Variants in GBP5 observed in about 807,000 individuals in gnomAD.
The protein encoded by GBP5 is guanylate-binding protein 5.
In GBP5, 48 loss-of-function variants were observed where a neutral mutation model predicts 58.2. That is an observed-to-expected ratio of 0.83 (90% CI 0.65 to 1.05). GBP5 has a LOEUF of 1.05. GBP5 is among the 50% of genes least tolerant of loss of function. The pLI, the probability that GBP5 is intolerant of heterozygous loss-of-function variation, is 0.00. For synonymous variants in GBP5, 248 were observed against 251.8 expected, an observed-to-expected ratio of 0.98 and a Z score of 0.14; for missense variants, 714 against 686.8, an observed-to-expected ratio of 1.04 and a Z score of -0.44.
Position 89,257,840 on chromosome 1 carries a change from A to G in GBP5, c.*2864T>C, listed in dbSNP as rs1184361824. ...TGGCTTAAAACAACAGAAGCTTATTATCTTACAGTTTTGGAAATCAGAAGT... is the reference window on the plus strand; with the variant it reads ...TGGCTTAAAACAACAGAAGCTTATTGTCTTACAGTTTTGGAAATCAGAAGT... On this transcript the variant is annotated 3_prime_UTR_variant, in exon 12 of 12. Coordinates refer to ENST00000370459, the MANE Select transcript of GBP5 (RefSeq NM_052942.5). Among the ~76,000 whole-genome samples, 1 of 152,242 alleles carries G rather than the reference A, an allele frequency of 6.6e-6. No homozygotes were observed. Among genetic ancestry groups the G allele is most frequent in the Non-Finnish European group, 1.5e-5 (1 of 68,034 alleles).
At chr1:89,265,089 T>A in intron 7 of GBP5, 123 bp from the exon 8 acceptor site, 1 of 899,644 alleles carries the variant, frequency 1.1e-6, no homozygotes, top group Non-Finnish European at 1.7e-6. Context: ...TTATGGACAG[T>A]AGTCAAGTGG....
At chr1:89,260,921 T>C in intron 11 of GBP5, 104 bp from the exon 12 acceptor site, 1 of 737,710 alleles carries the variant, frequency 1.4e-6, no homozygotes, top group Non-Finnish European at 2.4e-6. Context: ...AAACAGTTCC[T>C]GAATATCTCT....
Position 89,269,441 on chromosome 1 carries a change from C to T in GBP5, c.115G>A (p.Val39Ile). 3 of 1,614,138 alleles carry T rather than the reference C, an allele frequency of 1.9e-6. No individual in the cohort carries two copies. The highest frequency in any genetic ancestry group is 2.5e-6 in the Non-Finnish European group (3 of 1,180,006). Residue 39 changes from valine to isoleucine, a missense_variant, in exon 3 of 12, where the codon GTT becomes ATT. By Grantham distance (29) the Val-to-Ile change is conservative. Coordinates refer to ENST00000370459, the MANE Select transcript of GBP5 (RefSeq NM_052942.5). The part of the protein sequence containing the change: ...EILSAITQPV[V>I]VVAIVGLYRT... ...TAGAGGCCCACAATCGCTACCACAA[C>T]TACAGGTTGCGTAATGGCAGACAGG...
At position 89,260,556 on chromosome 1, in the gene GBP5, G is replaced by A; in HGVS notation, c.*148C>T. On this transcript the variant is annotated 3_prime_UTR_variant, in exon 12 of 12. Transcript: ENST00000370459. Reference sequence around the variant, plus strand: ...GGGATGTACATTTTACCAGATACCAGCATCATAATCTTATAACTCTATATG... The same window carrying A: ...GGGATGTACATTTTACCAGATACCAACATCATAATCTTATAACTCTATATG... 1.7e-6 allele frequency: 1 copy of A among 580,152 alleles called. No individual in the cohort carries two copies. The highest frequency in any genetic ancestry group is 3.1e-6 in the Non-Finnish European group (1 of 326,788). 35.9% of individuals were successfully genotyped at this position (580,152 alleles called of 1,614,324 possible).
chr1:89,265,756 A>G (rs1209218935), intron 7 of GBP5, among the ~76,000 whole-genome samples: 2 of 151,058 alleles, frequency 1.3e-5, no homozygotes, highest in South Asian at 2.1e-4. Flanking sequence ...AAAAAAGTGC[A>G]AAGTAAGCAA....
At chr1:89,263,991 T>C (rs1287845962) in intron 8 of GBP5, 43 bp from the exon 9 acceptor site, 1 of 1,119,068 alleles carries the variant, frequency 8.9e-7, no homozygotes, top group South Asian at 1.3e-5. Flanking sequence ...TTAGCAATAC[T>C]TCAGTATTTC....
At position 89,257,659 on chromosome 1, in the gene GBP5, G is replaced by A. The variant is rs889300347; in HGVS notation, c.*3045C>T. ...TACTAAATGTTTATAAGGTTTTTAT[G>A]AGCAACAGGTGAATTACTACAGTGA... On this transcript the variant is annotated 3_prime_UTR_variant, in exon 12 of 12. Coordinates refer to ENST00000370459, the MANE Select transcript of GBP5 (RefSeq NM_052942.5). 6.6e-6 allele frequency among the ~76,000 whole-genome samples: 1 copy of A among 152,118 alleles called. No homozygotes were observed. Among genetic ancestry groups the A allele is most frequent in the Admixed American group, 6.6e-5 (1 of 15,266 alleles).
At position 89,266,560 on chromosome 1, in the gene GBP5, A is replaced by G; in HGVS notation, c.654T>C (p.Asn218=). 6.2e-7 allele frequency: 1 copy of G among 1,613,058 alleles called. No individual in the cohort carries two copies. Among genetic ancestry groups the G allele is most frequent in the Non-Finnish European group, 8.5e-7 (1 of 1,179,180 alleles). The part of the protein sequence containing the change: ...QGSDQRVQNF[N]LPRLCIQKFF... Reference sequence around the variant, plus strand: ...ACTTCTGTATACACAGACGGGGCAAATTGAAATTTTGAACTCTTTGATCAC... The same window carrying G: ...ACTTCTGTATACACAGACGGGGCAAGTTGAAATTTTGAACTCTTTGATCAC... The change falls in exon 7 of 12, where the codon AAT becomes AAC. Residue 218 remains asparagine, a synonymous_variant. Coordinates refer to ENST00000370459, the MANE Select transcript of GBP5 (RefSeq NM_052942.5).
chr1:89,267,531 A>ATTTC lies in GBP5; in HGVS notation c.319-6_319-5insGAAA. The ATTTC allele has an allele frequency of 6.3e-7, 1 of 1,594,354 alleles. No individual in the cohort carries two copies. The highest frequency in any genetic ancestry group is 8.6e-7 in the Non-Finnish European group (1 of 1,161,880). ...GATATCATTCTTGTTGTCAGCCTAG[A>ATTTC]AGTCAGACCAAATTTAAGTCATGTC... On this transcript the variant is annotated splice_polypyrimidine_tract_variant and splice_region_variant and intron_variant, in intron 4 of 11. Transcript: ENST00000370459.
chr1:89,268,752 C>G lies in GBP5; in HGVS notation c.295G>C (p.Glu99Gln). 1 of 1,613,966 alleles carries G rather than the reference C, an allele frequency of 6.2e-7. No homozygotes were observed. Among genetic ancestry groups the G allele is most frequent in the Non-Finnish European group, 8.5e-7 (1 of 1,179,958 alleles). ...PNHTLVLLDT[E>Q]GLGDVEKADN... ...ACCTTCTCTACATCTCCCAGGCCCT[C>G]GGTGTCAAGCAGAACTAATGTGTGA... Residue 99 changes from glutamate (E) to glutamine (Q), a missense_variant, in exon 4 of 12, where the codon GAG becomes CAG. By Grantham distance (29) the Glu-to-Gln change is conservative. Transcript: ENST00000370459.
rs1349059792 is a variant in GBP5 at position 89,269,552 on chromosome 1, C to T, written c.4G>A (p.Ala2Thr). ...GGGTCTGACATGTGGATCTCTAAAG[C>T]CATGTCTAGGATGTTACTTTGCCTG... M[A>T]LEIHMSDPMC... The change falls in exon 3 of 12, where the codon GCT becomes ACT. Residue 2 changes from alanine (A) to threonine (T), a missense_variant. Ala to Thr is a moderately conservative substitution (Grantham distance 58, BLOSUM62 0). Coordinates refer to ENST00000370459, the MANE Select transcript of GBP5 (RefSeq NM_052942.5). 7 of 1,611,440 alleles carry T rather than the reference C, an allele frequency of 4.3e-6. No individual in the cohort carries two copies. Among genetic ancestry groups the T allele is most frequent in the South Asian group, 1.1e-5 (1 of 90,992 alleles).
rs1241503991 is a variant in GBP5 at position 89,270,790 on chromosome 1, T to C, written c.-55A>G. On this transcript the variant is annotated 5_prime_UTR_variant, in exon 2 of 12. Coordinates refer to ENST00000370459, the MANE Select transcript of GBP5 (RefSeq NM_052942.5). ...TAGAATTCTGGTTGCCTGATTTGTA[T>C]GCAGCGGAGGCCAGAATAATTTTTC... 6.6e-6 allele frequency: 1 copy of C among 152,222 alleles called. No individual in the cohort carries two copies. Among genetic ancestry groups the C allele is most frequent in the Non-Finnish European group, 1.5e-5 (1 of 68,036 alleles). 9.4% of individuals were successfully genotyped at this position (152,222 alleles called of 1,614,324 possible).
Position 89,264,739 on chromosome 1 carries a change from A to G in GBP5, c.1096T>C (p.Phe366Leu). Residue 366 changes from phenylalanine to leucine, a missense_variant, in exon 8 of 12, where the codon TTC becomes CTC. Coordinates refer to ENST00000370459, the MANE Select transcript of GBP5 (RefSeq NM_052942.5). ...ACATCCTTGAAAGAGTTTTTCATGA[A>G]GACTTCAATGGCCTCCCTCTCACTG... ...RTSEREAIEV[F>L]MKNSFKDVDQ... is the part of the protein sequence containing the mutation. 1 of 1,614,206 alleles carries G rather than the reference A, an allele frequency of 6.2e-7. No individual in the cohort carries two copies. Among genetic ancestry groups the G allele is most frequent in the Non-Finnish European group, 8.5e-7 (1 of 1,180,036 alleles).
In GBP5 at chr1:89,259,104, T is replaced by A. The variant is rs1360152257; in HGVS notation, c.*1600A>T. 1.3e-5 allele frequency: 2 copies of A among 152,238 alleles called. No individual in the cohort carries two copies. Among genetic ancestry groups the A allele is most frequent in the African/African-American group, 4.8e-5 (2 of 41,474 alleles). 9.4% of individuals were successfully genotyped at this position (152,238 alleles called of 1,614,324 possible). A position where few individuals can be genotyped will look rare whatever the true frequency, so the allele number is the denominator to read the frequency against. The stretch of plus-strand genomic sequence containing the variant: ...TTAGCACTATAAGCAAGCATTAAAT[T>A]AAATGCACTCAGATTTTTGGCACAT... On this transcript the variant is annotated 3_prime_UTR_variant, in exon 12 of 12. Transcript: ENST00000370459.
chr1:89,266,921 T>G (rs1174024066), intron 6 of GBP5, 36 bp downstream of exon 6: 1 of 1,481,464 alleles, frequency 6.8e-7, no homozygotes, highest in Non-Finnish European at 9.1e-7. Context: ...TAGATTACTT[T>G]TTTAAAAATC....
chr1:89,269,249 A>C, intron 3 of GBP5, 117 bp downstream of exon 3: 1 of 1,026,342 alleles, frequency 9.7e-7, no homozygotes, highest in Non-Finnish European at 1.5e-6. Flanking sequence ...GCTGTAGCCT[A>C]AACATTGGCT....
In GBP5 at chr1:89,262,320, T is replaced by C. The variant is rs771950573; in HGVS notation, c.1547A>G (p.Gln516Arg). The change falls in exon 11 of 12, where the codon CAG becomes CGG. Residue 516 changes from glutamine to arginine, a missense_variant. Transcript: ENST00000370459. Reference protein sequence around the residue: ...AIQRQNEQMMQERERLHQEQV... With the variant: ...AIQRQNEQMMRERERLHQEQV... ...TTCCTGATGGAGTCTCTCCCTCTCC[T>C]GCATCATTTGCTCGTTCTGCCTTTG... The C allele has an allele frequency of 6.2e-7, 1 of 1,614,144 alleles. No homozygotes were observed. Among genetic ancestry groups the C allele is most frequent in the Non-Finnish European group, 8.5e-7 (1 of 1,179,958 alleles).
In GBP5 at chr1:89,263,905, A is replaced by G. The variant is rs1650108994; in HGVS notation, c.1193T>C (p.Leu398Pro). Residue 398 changes from leucine (L) to proline (P), a missense_variant, in exon 9 of 12, where the codon CTG becomes CCG. Leu to Pro is a moderately conservative substitution (Grantham distance 98). Transcript: ENST00000370459. ...CGAGCAATAATCCGAGGATGCTTCC[A>G]GGTTCCGTTTACAAATGTCATTCTG... is the stretch of plus-strand genomic sequence containing the variant. ...AKQNDICKRN[L>P]EASSDYCSAL... 6.2e-7 allele frequency: 1 copy of G among 1,612,608 alleles called. No homozygotes were observed. Among genetic ancestry groups the G allele is most frequent in the African/African-American group, 1.3e-5 (1 of 74,496 alleles).
In GBP5 at chr1:89,259,181, A is replaced by T. The variant is rs1343668027; in HGVS notation, c.*1523T>A. 6.6e-6 allele frequency: 1 copy of T among 152,214 alleles called. No individual in the cohort carries two copies. Among genetic ancestry groups the T allele is most frequent in the African/African-American group, 2.4e-5 (1 of 41,450 alleles). 9.4% of individuals were successfully genotyped at this position (152,214 alleles called of 1,614,324 possible). On this transcript the variant is annotated 3_prime_UTR_variant, in exon 12 of 12. Transcript: ENST00000370459. ...TTATAAGATCTAAAGGATTATAAAC[A>T]TATTACACATAATAATTAAGTCCAA...
Sources: allele counts gnomAD v4.1 joint callset (sites outside exome capture counted in the v4.1 genomes callset), GRCh38; gene constraint gnomAD v4.1.1; transcripts MANE v1.5; gene names NCBI Gene and HGNC (gene_info 2026-07-23, HGNC 2026-07-21).